PPIH: variants seen among roughly 807,000 people sequenced by gnomAD.
PPIH encodes peptidyl-prolyl cis-trans isomerase H.
PPIH carries 16 observed loss-of-function variants against 27.6 expected under a neutral mutation model. The ratio of observed to expected loss-of-function variants is 0.58; its 90% CI spans 0.39 to 0.88. The LOEUF (loss-of-function observed/expected upper bound fraction) is 0.88, where lower values mean the gene tolerates loss of function less well. PPIH is among the 40% of genes least tolerant of loss of function. PPIH has a pLI of 0.00. For missense variants in PPIH, 155 were observed against 224.1 expected, an observed-to-expected ratio of 0.69 and a Z score of 1.97; for synonymous variants, 63 against 76.1, an observed-to-expected ratio of 0.83 and a Z score of 0.90.
At chr1:42,663,500 A>G (rs2148713281) in intron 5 of PPIH, among the ~76,000 whole-genome samples, 1 of 152,178 alleles carries the variant, frequency 6.6e-6, no homozygotes, top group Non-Finnish European at 1.5e-5. Context: ...GGGTGGGTTC[A>G]AGCGATTCTC....
downstream of PPIH, among the ~76,000 whole-genome samples, chr1:42,679,168 T>C (rs529754484): frequency 2.6e-5 from 4 of 152,274 alleles, no homozygotes; most frequent in South Asian, 2.1e-4. Flanking sequence ...CATGAACTAT[T>C]GGTGCTTGTA....
At chr1:42,667,516 A>G (rs574779870) in intron 9 of PPIH, 76 bp downstream of exon 9, 1 of 1,260,202 alleles carries the variant, frequency 7.9e-7, no homozygotes, top group South Asian at 1.3e-5. Context: ...AAAGAACTTT[A>G]GTCTTGAAGA....
chr1:42,660,990 C>A (rs754449065), intron 5 of PPIH, 86 bp downstream of exon 5: 1 of 1,239,258 alleles, frequency 8.1e-7, no homozygotes, highest in East Asian at 2.3e-5. Context: ...TACAGAGACC[C>A]AGTCTTCAGG....
downstream of PPIH, among the ~76,000 whole-genome samples, chr1:42,677,196 G>A (rs528720306): frequency 6.6e-5 from 10 of 152,056 alleles, no homozygotes; most frequent in African/African-American, 1.2e-4. Context: ...TTTTGGGACC[G>A]GGTGCCGTGG....
chr1:42,677,444 C>G (rs1649924733), downstream of PPIH, among the ~76,000 whole-genome samples: 2 of 152,118 alleles, frequency 1.3e-5, no homozygotes, highest in Admixed American at 1.3e-4. Context: ...TGCACTCCAG[C>G]CTGGGTGACA....
chr1:42,664,729 G>A, intron 5 of PPIH, 134 bp from the exon 6 acceptor site: 1 of 668,558 alleles, frequency 1.5e-6, no homozygotes, highest in East Asian at 3.0e-5. Context: ...TCAAATAGGT[G>A]CAGCTTCCAA....
At chr1:42,665,025 C>T (rs775064585) in intron 6 of PPIH, 70 bp downstream of exon 6, 19 of 1,297,686 alleles carry the variant, frequency 1.5e-5, no homozygotes, top group Non-Finnish European at 2.1e-5. Context: ...AGGCCCAGTG[C>T]TGTCTCTTGG....
rs916189112 is a variant in PPIH at position 42,663,403 on chromosome 1, C to CT, written c.244-1448dup. Reference sequence around the variant, plus strand: ...ATAGATCTGGAACTCAAATTCAGATCTTTTTTTTTTTTAGATGGAGTCTCG... The same window carrying CT: ...ATAGATCTGGAACTCAAATTCAGATCTTTTTTTTTTTTTAGATGGAGTCTCG... On this transcript the variant is annotated intron_variant, in intron 5 of 9. Transcript: ENST00000304979. Among the ~76,000 whole-genome samples the CT allele has an allele frequency of 3.9e-4, 56 of 145,308 alleles. 1 individual carries two copies. The highest frequency in any genetic ancestry group is 1.2e-3 in the East Asian group (6 of 5,000).
Position 42,659,239 on chromosome 1 carries a change from C to T in PPIH, c.143C>T (p.Thr48Ile). ...KTAENFRQFC[T>I]GEFRKDGVPI... ...TTTGTCCCTTTCAGGCAGTTCTGCACCGGAGAATTCAGGTCAGTTTCAGAT... is the reference window on the plus strand; with the variant it reads ...TTTGTCCCTTTCAGGCAGTTCTGCATCGGAGAATTCAGGTCAGTTTCAGAT... Residue 48 changes from threonine (T) to isoleucine (I), a missense_variant, in exon 3 of 10, where the codon ACC becomes ATC. Coordinates refer to ENST00000304979, the MANE Select transcript of PPIH (RefSeq NM_006347.4). The T allele has an allele frequency of 6.2e-7, 1 of 1,614,182 alleles. No individual in the cohort carries two copies. Among genetic ancestry groups the T allele is most frequent in the Admixed American group, 1.7e-5 (1 of 60,032 alleles).
chr1:42,663,859 TC>T (rs1490444232), intron 5 of PPIH, among the ~76,000 whole-genome samples: 17 of 152,240 alleles, frequency 1.1e-4, no homozygotes, highest in South Asian at 4.1e-4. Flanking sequence ...TTTCCCTTTC[TC>T]CCATGTACTC....
At chr1:42,680,531 G>T (rs1212496218), downstream of PPIH, among the ~76,000 whole-genome samples, 1 of 152,094 alleles carries the variant, frequency 6.6e-6, no homozygotes, top group African/African-American at 2.4e-5. Flanking sequence ...CTACCCTAAG[G>T]GTAATAGTAG....
At chr1:42,659,317 G>T in intron 3 of PPIH, 66 bp downstream of exon 3, 10 of 1,614,192 alleles carry the variant, frequency 6.2e-6, no homozygotes, top group African/African-American at 2.7e-5. Flanking sequence ...TGCAGTGAGG[G>T]TATCGGTGAA....
At chr1:42,663,640 T>C (rs891588324) in intron 5 of PPIH, among the ~76,000 whole-genome samples, 4 of 152,122 alleles carry the variant, frequency 2.6e-5, no homozygotes, top group Non-Finnish European at 5.9e-5. Flanking sequence ...CTTCAGGTGA[T>C]CCACCCGCCT....
downstream of PPIH, chr1:42,681,554 G>A (rs1437072522): frequency 3.9e-5 from 6 of 152,240 alleles, no homozygotes; most frequent in Admixed American, 3.3e-4. Flanking sequence ...TTTATCGTTT[G>A]TGAAACGTGG....
downstream of PPIH, among the ~76,000 whole-genome samples, chr1:42,680,125 TA>T (rs1379499924): frequency 2.0e-5 from 3 of 152,186 alleles, no homozygotes; most frequent in African/African-American, 7.2e-5. Flanking sequence ...GATGAAGAAT[TA>T]AGCAGGCAAA....
chr1:42,665,619 T>C (rs1347523483), intron 6 of PPIH, among the ~76,000 whole-genome samples: 1 of 151,806 alleles, frequency 6.6e-6, no homozygotes, highest in Non-Finnish European at 1.5e-5. Flanking sequence ...AGCAAGAGGA[T>C]TGCTTGAGGT....
chr1:42,666,320 C>A (rs951088224), intron 7 of PPIH, among the ~76,000 whole-genome samples: 3 of 152,140 alleles, frequency 2.0e-5, no homozygotes, highest in African/African-American at 7.2e-5. Flanking sequence ...AAAGAAATGC[C>A]ATAGAGGCAG....
At chr1:42,660,031 A>G (rs766131157) in intron 4 of PPIH, among the ~76,000 whole-genome samples, 4 of 152,216 alleles carry the variant, frequency 2.6e-5, no homozygotes, top group South Asian at 2.1e-4. Flanking sequence ...GCACATAATT[A>G]TATCACAGCT....
intron 5 of PPIH, 97 bp downstream of exon 5, chr1:42,661,001 C>T (rs1446717617): frequency 2.6e-6 from 3 of 1,151,686 alleles, no homozygotes; most frequent in African/African-American, 1.5e-5. Flanking sequence ...AGTCTTCAGG[C>T]TTGAGAACAA....
Sources: allele counts gnomAD v4.1 joint callset (sites outside exome capture counted in the v4.1 genomes callset), GRCh38; gene constraint gnomAD v4.1.1; transcripts MANE v1.5; gene names NCBI Gene and HGNC (gene_info 2026-07-23, HGNC 2026-07-21).